IL1RAPL2: variants seen among roughly 807,000 people sequenced by gnomAD.
IL1RAPL2 encodes the protein interleukin 1 receptor accessory protein like 2.
In IL1RAPL2, 3 loss-of-function variants were observed where a neutral mutation model predicts 44.1. The observed-to-expected ratio is 0.07, with a 90% CI of 0.03 to 0.18. IL1RAPL2 has a LOEUF of 0.18. IL1RAPL2 is among the 10% of genes least tolerant of loss of function. The pLI, the probability that IL1RAPL2 is intolerant of heterozygous loss-of-function variation, is 1.00. For synonymous variants in IL1RAPL2, 181 were observed against 178.8 expected, an observed-to-expected ratio of 1.01 and a Z score of -0.10; for missense variants, 391 against 496.4, an observed-to-expected ratio of 0.79 and a Z score of 2.02.
intron 2 of IL1RAPL2, among the ~76,000 whole-genome samples, chrX:104,997,911 A>G (rs1238728397): frequency 2.7e-5 from 3 of 111,211 alleles, no homozygotes; most frequent in Non-Finnish European, 3.8e-5. Context: ...GAGTCAAGTA[A>G]GAAATTGAAC....
At chrX:105,001,415 A>G (rs1173941013) in intron 2 of IL1RAPL2, among the ~76,000 whole-genome samples, 1 of 111,221 alleles carries the variant, frequency 9.0e-6, no homozygotes, top group Non-Finnish European at 1.9e-5. Context: ...GCCCTTTGCT[A>G]TAGTTAATCA....
intron 2 of IL1RAPL2, among the ~76,000 whole-genome samples, chrX:104,985,837 A>G (rs1389262923): frequency 1.8e-5 from 2 of 112,519 alleles, no homozygotes; most frequent in Admixed American, 9.4e-5. Flanking sequence ...ATCCAGACGC[A>G]TTACATTTAC....
At chrX:104,831,621 G>T (rs1489770722) in intron 2 of IL1RAPL2, among the ~76,000 whole-genome samples, 1 of 111,423 alleles carries the variant, frequency 9.0e-6, no homozygotes, top group Non-Finnish European at 1.9e-5. Context: ...TAAGTAAAAT[G>T]AACTTTGGCT....
chrX:104,966,447 T>G (rs1390542517), intron 2 of IL1RAPL2, among the ~76,000 whole-genome samples: 1 of 111,745 alleles, frequency 8.9e-6, no homozygotes, highest in Non-Finnish European at 1.9e-5. Context: ...CTATATTATA[T>G]TTCAGATAAA....
At chrX:104,750,753 A>G (rs5917137) in intron 2 of IL1RAPL2, among the ~76,000 whole-genome samples, 41,287 of 110,064 alleles carry the variant, frequency 0.38, 5,961 homozygotes, top group East Asian at 0.47. Flanking sequence ...TGAAAACTCC[A>G]TCTGGCACTG....
chrX:105,203,149 C>G (rs980652865), intron 3 of IL1RAPL2, among the ~76,000 whole-genome samples: 4 of 112,259 alleles, frequency 3.6e-5, no homozygotes, highest in Admixed American at 9.4e-5. Context: ...CACAGATGAA[C>G]TGGCCTTGCT....
Position 104,738,950 on chromosome X carries a change from C to T in IL1RAPL2, c.82+79955C>T, listed in dbSNP as rs984117687. On this transcript the variant is annotated intron_variant, in intron 2 of 10. Coordinates refer to ENST00000372582, the MANE Select transcript of IL1RAPL2 (RefSeq NM_017416.2). The stretch of plus-strand genomic sequence containing the variant: ...GCAAGACCCTGTCTCTTAAAACAAA[C>T]AAGAAAGAGTGACAGTTCCATTTGT... Among the ~76,000 whole-genome samples, 4 of 111,734 alleles carry T rather than the reference C, an allele frequency of 3.6e-5. No individual in the cohort carries two copies. The East Asian group carries it at 1.1e-3, about 32-fold the overall frequency.
chrX:105,232,549 A>C (rs1053168993), intron 3 of IL1RAPL2, among the ~76,000 whole-genome samples: 1 of 112,094 alleles, frequency 8.9e-6, no homozygotes, highest in South Asian at 3.7e-4. Context: ...GCTGATCTTC[A>C]TAGTGTTATC....
chrX:105,077,814 T>C (rs1461956434), intron 2 of IL1RAPL2, among the ~76,000 whole-genome samples: 1 of 112,180 alleles, frequency 8.9e-6, no homozygotes, highest in Non-Finnish European at 1.9e-5. Flanking sequence ...TGATACCCTT[T>C]CTTCCAGTTG....
chrX:105,444,409 T>C (rs776962479), intron 5 of IL1RAPL2, among the ~76,000 whole-genome samples: 2 of 111,136 alleles, frequency 1.8e-5, no homozygotes, highest in East Asian at 5.7e-4. Context: ...CTCAGGAAAC[T>C]TTTGCCCAGA....
intron 5 of IL1RAPL2, among the ~76,000 whole-genome samples, chrX:105,438,962 C>T (rs372368241): frequency 6.1e-4 from 67 of 110,517 alleles, no homozygotes; most frequent in African/African-American, 1.7e-3. Context: ...GTTTCCCCCA[C>T]GCTGTTTTAG....
At chrX:105,417,652 A>T (rs2147743988) in intron 5 of IL1RAPL2, among the ~76,000 whole-genome samples, 1 of 111,542 alleles carries the variant, frequency 9.0e-6, no homozygotes, top group East Asian at 2.8e-4. Flanking sequence ...TATCTGCTCA[A>T]GTTCCTGTCT....
chrX:105,696,548 C>A (rs186090807), intron 6 of IL1RAPL2, among the ~76,000 whole-genome samples: 8 of 111,550 alleles, frequency 7.2e-5, no homozygotes, highest in South Asian at 7.5e-4. Context: ...CCACCCCCCC[C>A]ACAAAAGTAA....
chrX:105,536,944 T>C (rs148085217), intron 6 of IL1RAPL2, among the ~76,000 whole-genome samples: 3,093 of 111,628 alleles, frequency 0.028, 128 homozygotes, highest in African/African-American at 0.096. Context: ...TTTCCCTGTA[T>C]TTTGAAGAGT....
At chrX:104,646,626 A>G (rs1355027563) in intron 1 of IL1RAPL2, among the ~76,000 whole-genome samples, 4 of 112,045 alleles carry the variant, frequency 3.6e-5, no homozygotes, top group Admixed American at 1.9e-4. Context: ...TCACTTATGT[A>G]ATGTGTTGGC....
intron 7 of IL1RAPL2, among the ~76,000 whole-genome samples, chrX:105,717,987 TTAGTACATG>T (rs1437030973): frequency 9.8e-5 from 11 of 112,499 alleles, no homozygotes; most frequent in Admixed American, 6.6e-4. Context: ...ATCCTTCAAT[TTAGTACATG>T]TTTAGACCTC....
chrX:105,433,071 T>C (rs1420269035), intron 5 of IL1RAPL2, among the ~76,000 whole-genome samples: 1 of 111,342 alleles, frequency 9.0e-6, no homozygotes, highest in Non-Finnish European at 1.9e-5. Flanking sequence ...AAGATACACT[T>C]TTATTATCCT....
At chrX:105,136,525 G>A (rs2033078306) in intron 2 of IL1RAPL2, among the ~76,000 whole-genome samples, 1 of 112,621 alleles carries the variant, frequency 8.9e-6, no homozygotes, top group African/African-American at 3.2e-5. Context: ...ACCATTAAGA[G>A]GGTGTGCTCA....
intron 2 of IL1RAPL2, among the ~76,000 whole-genome samples, chrX:105,110,276 C>T (rs997685089): frequency 2.7e-5 from 3 of 112,107 alleles, no homozygotes; most frequent in Non-Finnish European, 3.8e-5. Flanking sequence ...GAGAACGACC[C>T]TTTGGGAGGC....
Sources: allele counts gnomAD v4.1 joint callset (sites outside exome capture counted in the v4.1 genomes callset), GRCh38; gene constraint gnomAD v4.1.1; transcripts MANE v1.5; gene names NCBI Gene and HGNC (gene_info 2026-07-23, HGNC 2026-07-21).